RPL35A: variants seen among roughly 807,000 people sequenced by gnomAD.
The protein encoded by RPL35A is ribosomal protein L35a, also known as large ribosomal subunit protein eL33.
In RPL35A, 1 loss-of-function variant was observed where a neutral mutation model predicts 16.7. That is an observed-to-expected ratio of 0.06 (90% CI 0.02 to 0.28). The LOEUF (loss-of-function observed/expected upper bound fraction) is 0.28, where lower values mean the gene tolerates loss of function less well. Ranked by LOEUF, RPL35A falls within the 10% of genes least tolerant of loss-of-function variation. The pLI, the probability that RPL35A is intolerant of heterozygous loss-of-function variation, is 1.00. For missense variants in RPL35A, 91 were observed against 138.7 expected (o/e 0.66, Z 1.73); for synonymous variants, 58 against 47.0 (o/e 1.23, Z -0.96).
intron 3 of RPL35A, among the ~76,000 whole-genome samples, chr3:197,952,177 T>TG (rs1720159186): frequency 7.1e-6 from 1 of 140,484 alleles, no homozygotes; most frequent in South Asian, 2.4e-4. Flanking sequence ...TTTTTTTTTT[T>TG]TTTTTTTTTT....
At chr3:197,953,684 C>T in intron 3 of RPL35A, 1 of 439,546 alleles carries the variant, frequency 2.3e-6, no homozygotes. Context: ...TCTGTACACA[C>T]AAATATCCTC....
In RPL35A at chr3:197,955,979, G is replaced by C; in HGVS notation, c.*206G>C. On this transcript the variant is annotated 3_prime_UTR_variant, in exon 5 of 5. Coordinates refer to ENST00000647248, the MANE Select transcript of RPL35A (RefSeq NM_000996.4). Reference sequence around the variant, plus strand: ...TTTAGAAGGGAACGGGTTTTAATGCGAGTATCTTTGACAGAGTCTTGCTCT... The same window carrying C: ...TTTAGAAGGGAACGGGTTTTAATGCCAGTATCTTTGACAGAGTCTTGCTCT... The C allele has an allele frequency of 1.8e-6, 1 of 566,308 alleles. No individual in the cohort carries two copies. Among genetic ancestry groups the C allele is most frequent in the South Asian group, 1.9e-5 (1 of 51,776 alleles). The allele number at this position is 566,308 out of a possible 1,614,324, so 35.1% of individuals were successfully genotyped here. A position where few individuals can be genotyped will look rare whatever the true frequency, so the allele number is the denominator to read the frequency against.
chr3:197,954,764 T>A (rs1720400368), intron 4 of RPL35A, among the ~76,000 whole-genome samples: 1 of 152,204 alleles, frequency 6.6e-6, no homozygotes, highest in Non-Finnish European at 1.5e-5. Context: ...CACCTTGGCC[T>A]CCCAGAGTGC....
chr3:197,953,579 C>T, intron 3 of RPL35A: 1 of 457,886 alleles, frequency 2.2e-6, no homozygotes, highest in South Asian at 1.5e-5. Context: ...CCCGTGATCA[C>T]TTCATGGCAT....
At chr3:197,952,950 A>G (rs1439440383) in intron 3 of RPL35A, among the ~76,000 whole-genome samples, 2 of 150,214 alleles carry the variant, frequency 1.3e-5, no homozygotes, top group Non-Finnish European at 3.0e-5. Context: ...ACAGGCGCGC[A>G]CCACCACACC....
chr3:197,953,516 C>CT (rs1474931091), intron 3 of RPL35A: 22 of 456,476 alleles, frequency 4.8e-5, no homozygotes, highest in South Asian at 3.4e-4. Flanking sequence ...TGTCTTCAGT[C>CT]TTTCTTCCGG....
Position 197,955,937 on chromosome 3 carries a change from C to T in RPL35A, c.*164C>T. The T allele has an allele frequency of 3.0e-6, 2 of 660,606 alleles. No homozygotes were observed. The highest frequency in any genetic ancestry group is 5.5e-6 in the Non-Finnish European group (2 of 366,014). The allele number at this position is 660,606 out of a possible 1,614,324, so 40.9% of individuals were successfully genotyped here. A position where few individuals can be genotyped will look rare whatever the true frequency, so the allele number is the denominator to read the frequency against. ...TCAGAGAGACATGTGATGAAAATTA[C>T]AGGGCGAGTACAGAGATTTAGAAGG... On this transcript the variant is annotated 3_prime_UTR_variant, in exon 5 of 5. Transcript: ENST00000647248.
intron 4 of RPL35A, 47 bp from the exon 5 acceptor site, chr3:197,955,703 G>T: frequency 1.4e-6 from 2 of 1,472,600 alleles, no homozygotes; most frequent in Non-Finnish European, 1.9e-6. Context: ...ATTTGTAGAC[G>T]TATATATAAC....
chr3:197,954,685 G>C, intron 4 of RPL35A, among the ~76,000 whole-genome samples: 1 of 152,014 alleles, frequency 6.6e-6, no homozygotes, highest in East Asian at 1.9e-4. Context: ...ATAATTTTTT[G>C]TATTTTTGTA....
At chr3:197,953,809 T>A in intron 3 of RPL35A, 194 bp from the exon 4 acceptor site, 1 of 639,876 alleles carries the variant, frequency 1.6e-6, no homozygotes, top group Non-Finnish European at 2.8e-6. Context: ...ATAGCTGCTG[T>A]ATTTTACAGA....
intron 1 of RPL35A, chr3:197,950,590 A>G (rs1719980124): frequency 5.5e-6 from 2 of 362,866 alleles, no homozygotes; most frequent in East Asian, 5.3e-5. Context: ...GCCATTGCAT[A>G]AAAGTCTTAC....
At chr3:197,951,472 C>T (rs982206088) in intron 3 of RPL35A, 161 bp downstream of exon 3, 8 of 737,666 alleles carry the variant, frequency 1.1e-5, no homozygotes, top group African/African-American at 1.8e-5. Flanking sequence ...CCTGTCTCAG[C>T]CTCCCGAGTA....
intron 2 of RPL35A, 29 bp from the exon 3 acceptor site, chr3:197,951,130 T>C (rs1310800804): frequency 6.2e-7 from 1 of 1,613,916 alleles, no homozygotes; most frequent in South Asian, 1.1e-5. Context: ...GAAGCTTATG[T>C]TTCATGTTGT....
rs906760486 is a variant in RPL35A at position 197,952,169 on chromosome 3, T to G, written c.164+858T>G. Among the ~76,000 whole-genome samples the G allele has an allele frequency of 2.8e-3, 365 of 129,474 alleles. 3 individuals carry two copies. The highest frequency in any genetic ancestry group is 5.1e-3 in the Non-Finnish European group (312 of 61,770). The allele number at this position is 129,474 out of a possible 152,430, so 84.9% of individuals were successfully genotyped here. A position where few individuals can be genotyped will look rare whatever the true frequency, so the allele number is the denominator to read the frequency against. ...AATGCCTTAAAATTATGGGTTTTTT[T>G]TTTTTTTTTTTTTTTTTTTGGAGAC... On this transcript the variant is annotated intron_variant, in intron 3 of 4. Coordinates refer to ENST00000647248, the MANE Select transcript of RPL35A (RefSeq NM_000996.4).
intron 3 of RPL35A, chr3:197,952,641 T>A (rs1174780698): frequency 1.3e-5 from 2 of 152,106 alleles, no homozygotes; most frequent in Non-Finnish European, 2.9e-5. Flanking sequence ...ATTACAGGCG[T>A]GTGCCACCAC....
chr3:197,954,924 T>C (rs1221016455), intron 4 of RPL35A, among the ~76,000 whole-genome samples: 1 of 152,234 alleles, frequency 6.6e-6, no homozygotes, highest in African/African-American at 2.4e-5. Flanking sequence ...TTCCATCATG[T>C]CAGTCTTGTT....
At chr3:197,955,026 AAATTTTTCTCAATTTTCTCCTGT>A (rs1391135220) in intron 4 of RPL35A, among the ~76,000 whole-genome samples, 1 of 152,146 alleles carries the variant, frequency 6.6e-6, no homozygotes, top group Non-Finnish European at 1.5e-5. Context: ...CTTGGACTCT[AAATTTTTCTCAATTTTCTCCTGT>A]AATTTTTCTC....
At chr3:197,951,519 G>GT (rs963377676) in intron 3 of RPL35A, 2 of 557,140 alleles carry the variant, frequency 3.6e-6, no homozygotes, top group African/African-American at 3.8e-5. Context: ...CGCCCGGCTA[G>GT]TTTTTGTATT....
chr3:197,955,619 CTA>C lies in RPL35A; in HGVS notation c.310-128_310-127del, dbSNP rs1720468703. On this transcript the variant is annotated intron_variant, in intron 4 of 4. Transcript: ENST00000647248. Reference sequence around the variant, plus strand: ...GGTATGTTCACGTAGAGACTGAAGGCTATAAAAACTTTCCTTACCACTAGAAC... The same window carrying C: ...GGTATGTTCACGTAGAGACTGAAGGCTAAAAACTTTCCTTACCACTAGAAC... 6.2e-6 allele frequency: 5 copies of C among 808,382 alleles called. No homozygotes were observed. The East Asian group carries it at 1.2e-4, about 20-fold the overall frequency. The allele number at this position is 808,382 out of a possible 1,614,324, so 50.1% of individuals were successfully genotyped here.
Sources: gnomAD v4.1 joint callset for allele counts (sites outside exome capture counted in the v4.1 genomes callset) on GRCh38, gnomAD v4.1.1 for gene constraint, MANE v1.5 for transcripts, NCBI Gene and HGNC (gene_info 2026-07-23, HGNC 2026-07-21) for gene names.